The following TMLHE variants were observed in gnomAD, a reference collection of about 807,000 sequenced individuals.
TMLHE encodes trimethyllysine dioxygenase, mitochondrial.
A neutral mutation model predicts 25.7 loss-of-function variants in TMLHE; 18 were observed. The ratio of observed to expected loss-of-function variants is 0.70; its 90% CI spans 0.48 to 1.04. TMLHE has a LOEUF of 1.04. TMLHE is among the 50% of genes least tolerant of loss of function. TMLHE has a pLI of 0.00. For missense variants in TMLHE, 236 were observed against 259.0 expected (o/e 0.91, Z 0.61); for synonymous variants, 105 against 97.0 (o/e 1.08, Z -0.49).
At chrX:155,558,426 T>C (rs2067472979) in intron 1 of TMLHE, among the ~76,000 whole-genome samples, 1 of 111,978 alleles carries the variant, frequency 8.9e-6, no homozygotes, top group Non-Finnish European at 1.9e-5. Flanking sequence ...TATGTTTATA[T>C]GTCTTTCCCC....
chrX:155,507,074 A>G lies in TMLHE; in HGVS notation c.819T>C (p.Asp273=). Residue 273 remains aspartate (D), a synonymous_variant, in exon 6 of 8, where the codon GAT becomes GAC. Transcript: ENST00000334398. ...EGTGGRTLLV[D]GFYAAEQVLQ... is the part of the protein sequence containing the mutation. ...GTACCTGTTCTGCTGCATAGAATCC[A>G]TCTACTAGCAGTGTCCTGCCACCAG... The G allele has an allele frequency of 8.3e-7, 1 of 1,210,321 alleles. No individual in the cohort carries two copies. Among genetic ancestry groups the G allele is most frequent in the Non-Finnish European group, 1.1e-6 (1 of 894,447 alleles).
chrX:155,528,965 AT>A (rs2067234879), intron 2 of TMLHE, among the ~76,000 whole-genome samples: 1 of 112,247 alleles, frequency 8.9e-6, no homozygotes, highest in Non-Finnish European at 1.9e-5. Flanking sequence ...CTAAATGTCT[AT>A]CAGTGGGGAA....
At chrX:155,547,846 A>C (rs915232705) in intron 1 of TMLHE, among the ~76,000 whole-genome samples, 1 of 111,223 alleles carries the variant, frequency 9.0e-6, no homozygotes, top group Admixed American at 9.6e-5. Flanking sequence ...GAAACTGTTG[A>C]TGAGGTTTGG....
At chrX:155,607,127 A>G (rs1250140854) in intron 1 of TMLHE, among the ~76,000 whole-genome samples, 1 of 111,897 alleles carries the variant, frequency 8.9e-6, no homozygotes, top group African/African-American at 3.2e-5. Flanking sequence ...TGAGGCCAGT[A>G]TCATGCTGAT....
At chrX:155,577,663 G>A (rs140978994) in intron 1 of TMLHE, among the ~76,000 whole-genome samples, 268 of 111,401 alleles carry the variant, frequency 2.4e-3, no homozygotes, top group African/African-American at 8.5e-3. Context: ...TGGCTGATTA[G>A]ATGTAGCTAG....
chrX:155,542,340 T>A (rs1202910611), intron 2 of TMLHE, among the ~76,000 whole-genome samples: 5 of 111,563 alleles, frequency 4.5e-5, no homozygotes, highest in African/African-American at 6.5e-5. Flanking sequence ...AACTACAAAA[T>A]GTTGCTAAGA....
intron 1 of TMLHE, among the ~76,000 whole-genome samples, chrX:155,561,556 C>T (rs1557341856): frequency 3.2e-5 from 2 of 61,599 alleles, no homozygotes; most frequent in South Asian, 9.8e-4. Context: ...TCCCAACAGC[C>T]CCCAAAGTCT....
intron 1 of TMLHE, among the ~76,000 whole-genome samples, chrX:155,558,767 A>C (rs2067475524): frequency 8.9e-6 from 1 of 111,763 alleles, no homozygotes; most frequent in Non-Finnish European, 1.9e-5. Context: ...TAATTAATAC[A>C]TAATTATATT....
chrX:155,607,906 G>T (rs926228145), intron 1 of TMLHE, among the ~76,000 whole-genome samples: 6 of 111,831 alleles, frequency 5.4e-5, no homozygotes, highest in African/African-American at 1.6e-4. Context: ...AAAGAAATCG[G>T]AGATGATACA....
At chrX:155,557,357 G>T (rs1291871270) in intron 1 of TMLHE, among the ~76,000 whole-genome samples, 1 of 112,057 alleles carries the variant, frequency 8.9e-6, no homozygotes, top group African/African-American at 3.2e-5. Context: ...TTCTGTCATG[G>T]CTTCAGCCGG....
intron 3 of TMLHE, among the ~76,000 whole-genome samples, chrX:155,523,526 T>C (rs1479354432): frequency 8.9e-6 from 1 of 111,777 alleles, no homozygotes; most frequent in African/African-American, 3.3e-5. Context: ...ATTCCATTGA[T>C]CTATGTATCT....
intron 2 of TMLHE, among the ~76,000 whole-genome samples, chrX:155,525,252 C>T (rs1330926506): frequency 3.6e-5 from 4 of 111,057 alleles, no homozygotes; most frequent in African/African-American, 6.6e-5. Flanking sequence ...CTGAATGTGA[C>T]GGAGCTCTCA....
chrX:155,542,188 TAA>T (rs2067316948), intron 2 of TMLHE, among the ~76,000 whole-genome samples: 1 of 111,605 alleles, frequency 9.0e-6, no homozygotes, highest in Non-Finnish European at 1.9e-5. Flanking sequence ...GTCTTATGTT[TAA>T]GTCTTTAATC....
At chrX:155,553,583 GA>G (rs2067428977) in intron 1 of TMLHE, among the ~76,000 whole-genome samples, 1 of 109,436 alleles carries the variant, frequency 9.1e-6, no homozygotes, top group Non-Finnish European at 1.9e-5. Flanking sequence ...TTATAAACAA[GA>G]TGTAGATTTT....
At chrX:155,533,806 AAACTT>A (rs1370413248) in intron 2 of TMLHE, among the ~76,000 whole-genome samples, 1 of 111,891 alleles carries the variant, frequency 8.9e-6, no homozygotes, top group Non-Finnish European at 1.9e-5. Context: ...AAGTGGCAAA[AAACTT>A]AGCTGCAAAG....
intron 1 of TMLHE, among the ~76,000 whole-genome samples, chrX:155,559,227 T>C (rs1173946979): frequency 9.0e-6 from 1 of 111,604 alleles, no homozygotes; most frequent in Non-Finnish European, 1.9e-5. Context: ...TAAAATATTG[T>C]TCTTGTTGTC....
intron 1 of TMLHE, among the ~76,000 whole-genome samples, chrX:155,577,709 C>T (rs190099502): frequency 9.0e-6 from 1 of 111,636 alleles, no homozygotes; most frequent in East Asian, 2.8e-4. Flanking sequence ...ACTAACAGCC[C>T]AGCTCTCAAA....
chrX:155,556,853 C>G (rs1359152358), intron 1 of TMLHE, among the ~76,000 whole-genome samples: 8 of 111,274 alleles, frequency 7.2e-5, no homozygotes, highest in African/African-American at 1.6e-4. Context: ...CCCGGGGGGG[C>G]CAGTTCAGAG....
chrX:155,538,109 C>A (rs1255590696), intron 2 of TMLHE, among the ~76,000 whole-genome samples: 1 of 111,143 alleles, frequency 9.0e-6, no homozygotes, highest in East Asian at 2.8e-4. Context: ...ATCCTCTGAC[C>A]AACATGTCTC....
Sources: allele counts gnomAD v4.1 joint callset (sites outside exome capture counted in the v4.1 genomes callset), GRCh38; gene constraint gnomAD v4.1.1; transcripts MANE v1.5; gene names NCBI Gene and HGNC (gene_info 2026-07-23, HGNC 2026-07-21).